The following LARGE1 variants were observed in gnomAD, a reference collection of about 807,000 sequenced individuals.
LARGE1 encodes LARGE xylosyl- and glucuronyltransferase 1, also known as xylosyl- and glucuronyltransferase LARGE1.
Under a neutral mutation model 87.6 loss-of-function variants are expected in LARGE1, and 43 were observed. The ratio of observed to expected loss-of-function variants is 0.49; its 90% CI spans 0.38 to 0.63. The LOEUF is 0.63. LARGE1 is among the 30% of genes least tolerant of loss of function. The pLI, the probability that LARGE1 is intolerant of heterozygous loss-of-function variation, is 0.00. For synonymous variants in LARGE1, 434 were observed against 394.6 expected (o/e 1.10, Z -1.18); for missense variants, 802 against 1,000.2 (o/e 0.80, Z 2.67).
At chr22:33,821,238 G>T (rs999908916) in intron 1 of LARGE1, among the ~76,000 whole-genome samples, 1 of 152,070 alleles carries the variant, frequency 6.6e-6, no homozygotes, top group Non-Finnish European at 1.5e-5. Context: ...CACAGACGAT[G>T]TTGGTTATCT....
Position 33,416,906 on chromosome 22 carries a change from C to CTTTTTTTTTTTTTTTTTTTT in LARGE1, c.892+15254_892+15255insAAAAAAAAAAAAAAAAAAAA, listed in dbSNP as rs35018256. Among the ~76,000 whole-genome samples the CTTTTTTTTTTTTTTTTTTTT allele has an allele frequency of 4.4e-5, 4 of 90,148 alleles. 1 individual carries two copies. The highest frequency in any genetic ancestry group is 1.7e-4 in the African/African-American group (3 of 17,438). 59.1% of individuals were successfully genotyped at this position (90,148 alleles called of 152,430 possible). A position where few individuals can be genotyped will look rare whatever the true frequency, so the allele number is the denominator to read the frequency against. ...ACAGGTGTGAGGCACCACGCCCGGA[C>CTTTTTTTTTTTTTTTTTTTT]TTTTTTTTTTTTTTTTTTTGAGACA... is the stretch of plus-strand genomic sequence containing the variant. On this transcript the variant is annotated intron_variant, in intron 7 of 14. Transcript: ENST00000397394.
chr22:33,551,263 G>T (rs146534669), intron 6 of LARGE1, among the ~76,000 whole-genome samples: 7 of 152,116 alleles, frequency 4.6e-5, no homozygotes, highest in African/African-American at 1.7e-4. Flanking sequence ...GAGAAACCCC[G>T]TACTAAGGCA....
At chr22:33,626,469 A>C in intron 3 of LARGE1, 143 bp from the exon 4 acceptor site, 2 of 693,260 alleles carry the variant, frequency 2.9e-6, no homozygotes, top group Non-Finnish European at 5.2e-6. Context: ...GCAGCTGTGG[A>C]AAATAACTCA....
At chr22:33,738,097 A>G (rs938601551) in intron 2 of LARGE1, among the ~76,000 whole-genome samples, 1 of 152,198 alleles carries the variant, frequency 6.6e-6, no homozygotes, top group Non-Finnish European at 1.5e-5. Context: ...ACAATAATAC[A>G]TGTATTTCAG....
intron 1 of LARGE1, among the ~76,000 whole-genome samples, chr22:33,777,694 G>C (rs377165518): frequency 2.0e-4 from 29 of 148,520 alleles, no homozygotes; most frequent in African/African-American, 7.0e-4. Flanking sequence ...AAGGGGAAGG[G>C]AAGGCAGGGG....
At chr22:33,222,567 G>A (rs1211232924) in intron 11 of LARGE1, among the ~76,000 whole-genome samples, 1 of 152,194 alleles carries the variant, frequency 6.6e-6, no homozygotes, top group Non-Finnish European at 1.5e-5. Flanking sequence ...CAGTCCAATA[G>A]CAAGTGATGT....
At chr22:33,693,591 G>A (rs747020636) in intron 2 of LARGE1, among the ~76,000 whole-genome samples, 7 of 152,084 alleles carry the variant, frequency 4.6e-5, no homozygotes, top group South Asian at 2.1e-4. Flanking sequence ...TCGGGAGGCC[G>A]AGGCGGGCGG....
At chr22:33,913,704 C>T (rs1300556487) in intron 1 of LARGE1, among the ~76,000 whole-genome samples, 2 of 151,958 alleles carry the variant, frequency 1.3e-5, no homozygotes, top group African/African-American at 2.4e-5. Flanking sequence ...CCACCATGCC[C>T]AGCTAATTTT....
chr22:33,801,755 C>T (rs564268239), intron 1 of LARGE1, among the ~76,000 whole-genome samples: 2 of 152,104 alleles, frequency 1.3e-5, no homozygotes, highest in African/African-American at 2.4e-5. Flanking sequence ...GGTGTTCCAA[C>T]TCCTTTTAAA....
Position 33,424,516 on chromosome 22 carries a change from C to A in LARGE1, c.892+7645G>T, listed in dbSNP as rs1022470076. Among the ~76,000 whole-genome samples, 4 of 152,264 alleles carry A rather than the reference C, an allele frequency of 2.6e-5. No individual in the cohort carries two copies. The East Asian group carries it at 7.7e-4, about 29-fold the overall frequency. ...AATGGACTGAATGTCATATCTCCCC[C>A]AAATTCACACATTAAAGTCCTAAAC... On this transcript the variant is annotated intron_variant, in intron 7 of 14. Transcript: ENST00000397394.
intron 1 of LARGE1, among the ~76,000 whole-genome samples, chr22:33,834,056 C>T (rs2063046046): frequency 6.6e-6 from 1 of 152,152 alleles, no homozygotes; most frequent in South Asian, 2.1e-4. Flanking sequence ...GCCACTCAGC[C>T]ACCGAGTGGG....
At chr22:33,784,479 TAA>T (rs2085533093) in intron 1 of LARGE1, among the ~76,000 whole-genome samples, 1 of 152,132 alleles carries the variant, frequency 6.6e-6, no homozygotes, top group Admixed American at 6.6e-5. Flanking sequence ...GGAAGTTAAC[TAA>T]AGAACTACTA....
chr22:33,582,824 C>G (rs1352416870), intron 5 of LARGE1, among the ~76,000 whole-genome samples: 1 of 152,214 alleles, frequency 6.6e-6, no homozygotes, highest in Non-Finnish European at 1.5e-5. Flanking sequence ...AGAGCATCCT[C>G]ATGCTTGTCT....
chr22:33,493,393 TC>T (rs2069951772), intron 6 of LARGE1, among the ~76,000 whole-genome samples: 1 of 152,064 alleles, frequency 6.6e-6, no homozygotes, highest in African/African-American at 2.4e-5. Flanking sequence ...ACTCCTGACC[TC>T]AGGTGATCCT....
intron 1 of LARGE1, among the ~76,000 whole-genome samples, chr22:33,897,503 T>C (rs890620536): frequency 2.6e-5 from 4 of 151,944 alleles, no homozygotes; most frequent in African/African-American, 9.7e-5. Flanking sequence ...CAGGCAGAAG[T>C]CAGGACAGGG....
At chr22:33,213,667 A>C (rs1391467805) in intron 11 of LARGE1, among the ~76,000 whole-genome samples, 1 of 152,254 alleles carries the variant, frequency 6.6e-6, no homozygotes, top group Non-Finnish European at 1.5e-5. Flanking sequence ...TTTGGGGGCA[A>C]TAAAAATTTA....
intron 6 of LARGE1, among the ~76,000 whole-genome samples, chr22:33,517,047 G>A (rs1353241354): frequency 1.3e-5 from 2 of 152,120 alleles, no homozygotes; most frequent in Non-Finnish European, 1.5e-5. Flanking sequence ...AAAAAGGGAC[G>A]AGGAGTGTGA....
intron 11 of LARGE1, among the ~76,000 whole-genome samples, chr22:33,313,382 C>T (rs1935814508): frequency 6.6e-6 from 1 of 152,160 alleles, no homozygotes; most frequent in Non-Finnish European, 1.5e-5. Context: ...ATCGGTGCAC[C>T]TCCTGCACGA....
At chr22:33,308,338 T>C (rs1257374409) in intron 11 of LARGE1, among the ~76,000 whole-genome samples, 1 of 152,180 alleles carries the variant, frequency 6.6e-6, no homozygotes, top group Admixed American at 6.5e-5. Flanking sequence ...AGGCAGGCTG[T>C]GTAGCATATC....
Sources: gnomAD v4.1 joint callset for allele counts (sites outside exome capture counted in the v4.1 genomes callset) on GRCh38, gnomAD v4.1.1 for gene constraint, MANE v1.5 for transcripts, NCBI Gene and HGNC (gene_info 2026-07-23, HGNC 2026-07-21) for gene names.